Variants in SNX29 observed in about 807,000 individuals in gnomAD.
The protein encoded by SNX29 is sorting nexin-29.
A neutral mutation model predicts 102.1 loss-of-function variants in SNX29; 78 were observed. The ratio of observed to expected loss-of-function variants is 0.76; its 90% CI spans 0.64 to 0.92. SNX29 has a LOEUF of 0.92. Among genes scored for constraint, SNX29 ranks in the 40% least tolerant of loss-of-function variants. The probability of loss-of-function intolerance (pLI) is 0.00; values close to 1 mark genes in which losing one functional copy is unlikely to be tolerated. For missense variants in SNX29, 1,280 were observed against 1,061.7 expected (o/e 1.21, Z -2.86); for synonymous variants, 580 against 414.5 (o/e 1.40, Z -4.85).
intron 18 of SNX29, among the ~76,000 whole-genome samples, chr16:12,413,894 G>C (rs934830272): frequency 8.5e-5 from 13 of 152,106 alleles, no homozygotes; most frequent in Non-Finnish European, 1.5e-4. Flanking sequence ...TTGCTTGTCT[G>C]GGGGGGATTG....
intron 15 of SNX29, among the ~76,000 whole-genome samples, chr16:12,316,240 T>C (rs1376777504): frequency 6.6e-6 from 1 of 152,172 alleles, no homozygotes; most frequent in African/African-American, 2.4e-5. Context: ...GGGACAGGGC[T>C]GACTTGTCTA....
chr16:12,091,642 TTGG>T (rs2052549711), intron 11 of SNX29, among the ~76,000 whole-genome samples: 1 of 151,770 alleles, frequency 6.6e-6, no homozygotes, highest in Admixed American at 6.6e-5. Context: ...AAAATTAGAC[TTGG>T]TGGTGCGTGC....
At chr16:12,551,266 C>T (rs1400173038) in intron 20 of SNX29, among the ~76,000 whole-genome samples, 2 of 152,130 alleles carry the variant, frequency 1.3e-5, no homozygotes, top group Non-Finnish European at 2.9e-5. Flanking sequence ...TCCGGAGGTT[C>T]AGACACCGTC....
At chr16:12,549,647 C>T (rs2856775) in intron 20 of SNX29, among the ~76,000 whole-genome samples, 47,689 of 152,132 alleles carry the variant, frequency 0.31, 9,117 homozygotes, top group East Asian at 0.73. Flanking sequence ...GCATAGCTGC[C>T]GAAACCAGCT....
At chr16:12,024,382 G>C (rs1227785928) in intron 3 of SNX29, among the ~76,000 whole-genome samples, 2 of 152,032 alleles carry the variant, frequency 1.3e-5, no homozygotes, top group Non-Finnish European at 2.9e-5. Flanking sequence ...CTGACCCCAG[G>C]TGATCCACCC....
At chr16:12,463,151 C>A (rs934723472) in intron 18 of SNX29, among the ~76,000 whole-genome samples, 6 of 152,186 alleles carry the variant, frequency 3.9e-5, no homozygotes, top group African/African-American at 1.4e-4. Flanking sequence ...CGTCAGCGGT[C>A]GTTGTCGCTC....
rs1035842422 is a variant in SNX29 at position 12,356,135 on chromosome 16, G to A, written c.1783-28G>A. 4.4e-6 allele frequency: 7 copies of A among 1,598,906 alleles called. No individual in the cohort carries two copies. In the African/African-American group the frequency reaches 8.0e-5, roughly 18 times the overall value. On this transcript the variant is annotated intron_variant, in intron 15 of 20. Coordinates refer to ENST00000566228, the MANE Select transcript of SNX29 (RefSeq NM_032167.5). ...GTCCCTGGGGAATGTCTGCCTCTAAGCCTCACCTTTCCGTGCTTGTGTTCC... is the reference window on the plus strand; with the variant it reads ...GTCCCTGGGGAATGTCTGCCTCTAAACCTCACCTTTCCGTGCTTGTGTTCC...
chr16:12,458,839 G>C (rs1364772343), intron 18 of SNX29, among the ~76,000 whole-genome samples: 1 of 152,198 alleles, frequency 6.6e-6, no homozygotes, highest in Non-Finnish European at 1.5e-5. Context: ...ACTCACACAG[G>C]AGAAAACTAC....
intron 20 of SNX29, among the ~76,000 whole-genome samples, chr16:12,551,420 G>A (rs2077968812): frequency 6.6e-6 from 1 of 152,194 alleles, no homozygotes; most frequent in Non-Finnish European, 1.5e-5. Context: ...CTCAGCCACA[G>A]CTTGCACATT....
chr16:12,135,549 A>G (rs1413972243), intron 13 of SNX29: 1 of 1,325,856 alleles, frequency 7.5e-7, no homozygotes, highest in Non-Finnish European at 9.9e-7. Context: ...TTTTGTTGGC[A>G]GCTATCTTTG....
intron 15 of SNX29, among the ~76,000 whole-genome samples, chr16:12,334,280 C>T (rs1262719851): frequency 3.9e-5 from 6 of 152,168 alleles, no homozygotes; most frequent in Non-Finnish European, 1.5e-5. Context: ...GGGCAACTTT[C>T]ACAGCAACTG....
At chr16:12,403,598 C>A in intron 18 of SNX29, 69 bp downstream of exon 18, 1 of 1,433,774 alleles carries the variant, frequency 7.0e-7, no homozygotes, top group Admixed American at 2.0e-5. Flanking sequence ...TGCTGTGGTG[C>A]TTTTTGCCTC....
At chr16:12,022,143 G>A (rs1312045110) in intron 3 of SNX29, among the ~76,000 whole-genome samples, 8 of 130,980 alleles carry the variant, frequency 6.1e-5, no homozygotes, top group African/African-American at 2.0e-4. Context: ...TTTATATACC[G>A]TTAAAATTGT....
intron 13 of SNX29, among the ~76,000 whole-genome samples, chr16:12,149,538 C>A (rs536337299): frequency 6.6e-6 from 1 of 152,222 alleles, no homozygotes; most frequent in South Asian, 2.1e-4. Context: ...ATCAGATTGT[C>A]CCTATAGTGA....
intron 7 of SNX29, among the ~76,000 whole-genome samples, chr16:12,049,426 G>A (rs1403318945): frequency 2.6e-5 from 4 of 151,704 alleles, no homozygotes; most frequent in East Asian, 1.9e-4. Context: ...TCCACTTCCC[G>A]GGTTCAAGCA....
At chr16:12,428,255 T>C (rs1257466477) in intron 18 of SNX29, among the ~76,000 whole-genome samples, 2 of 152,220 alleles carry the variant, frequency 1.3e-5, no homozygotes, top group Non-Finnish European at 2.9e-5. Flanking sequence ...TAGTATAAAA[T>C]GTAATTATTC....
intron 14 of SNX29, among the ~76,000 whole-genome samples, chr16:12,250,736 A>C (rs1000065500): frequency 2.6e-5 from 4 of 152,246 alleles, no homozygotes; most frequent in African/African-American, 9.6e-5. Flanking sequence ...TGAGGTCCAG[A>C]GAGCAGGGCT....
At chr16:12,557,018 C>CT (rs780979499) in intron 20 of SNX29, among the ~76,000 whole-genome samples, 2 of 33,836 alleles carry the variant, frequency 5.9e-5, no homozygotes, top group South Asian at 1.9e-3. Context: ...CTAATTTACC[C>CT]CCCCCCCGCC....
At chr16:12,046,717 T>C (rs1260352173) in intron 6 of SNX29, among the ~76,000 whole-genome samples, 1 of 152,224 alleles carries the variant, frequency 6.6e-6, no homozygotes, top group Non-Finnish European at 1.5e-5. Flanking sequence ...CCTCCTGGGT[T>C]CAAGTCATTT....
Sources: gnomAD v4.1 joint callset for allele counts (sites outside exome capture counted in the v4.1 genomes callset) on GRCh38, gnomAD v4.1.1 for gene constraint, MANE v1.5 for transcripts, NCBI Gene and HGNC (gene_info 2026-07-23, HGNC 2026-07-21) for gene names.